The following FGFRL1 variants were observed in gnomAD, a reference collection of about 807,000 sequenced individuals.
FGFRL1 encodes fibroblast growth factor receptor-like 1.
FGFRL1 carries 24 observed loss-of-function variants against 36.8 expected under a neutral mutation model. The ratio of observed to expected loss-of-function variants is 0.65; its 90% CI spans 0.47 to 0.92. FGFRL1 has a LOEUF of 0.92. Ranked by LOEUF, FGFRL1 falls within the 40% of genes least tolerant of loss-of-function variation. The pLI is 0.00. For synonymous variants in FGFRL1, 422 were observed against 344.1 expected (o/e 1.23, Z -2.50); for missense variants, 785 against 753.4 (o/e 1.04, Z -0.49).
At chr4:1,015,139 C>T (rs1174839014) in intron 2 of FGFRL1, among the ~76,000 whole-genome samples, 5 of 152,198 alleles carry the variant, frequency 3.3e-5, no homozygotes, top group South Asian at 4.1e-4. Flanking sequence ...GACTGGACCC[C>T]GGCTGCTGCA....
chr4:1,023,808 AC>A lies in FGFRL1; in HGVS notation c.434-5del. Reference sequence around the variant, plus strand: ...CGTCCTCTGACCTCCACGCCACCCCACCCCGCAGCACGACCGCGCTTCACAC... The same window carrying A: ...CGTCCTCTGACCTCCACGCCACCCCACCCGCAGCACGACCGCGCTTCACAC... On this transcript the variant is annotated splice_polypyrimidine_tract_variant and splice_region_variant and intron_variant, in intron 4 of 6. Coordinates refer to ENST00000510644, the MANE Select transcript of FGFRL1 (RefSeq NM_001004356.3). The surrounding 1 kb of genome is among the most constrained non-coding windows in gnomAD (Gnocchi z 6.0). The A allele has an allele frequency of 1.3e-6, 2 of 1,570,616 alleles. No individual in the cohort carries two copies. Among genetic ancestry groups the A allele is most frequent in the Non-Finnish European group, 8.6e-7 (1 of 1,158,054 alleles).
At chr4:1,021,535 C>T (rs184854002) in intron 2 of FGFRL1, among the ~76,000 whole-genome samples, 3 of 152,282 alleles carry the variant, frequency 2.0e-5, no homozygotes, top group African/African-American at 4.8e-5. Flanking sequence ...ACCTGGGCAT[C>T]TGTGGTCCCT....
At chr4:1,013,622 T>G (rs1169274918) in intron 2 of FGFRL1, among the ~76,000 whole-genome samples, 1 of 152,254 alleles carries the variant, frequency 6.6e-6, no homozygotes, top group Admixed American at 6.5e-5. Flanking sequence ...ACTCAGGCCA[T>G]ACTGGGCGAG....
In FGFRL1 at chr4:1,017,283, C is replaced by T. The variant is rs1000129345; in HGVS notation, c.79+4719C>T. ...ATCCTCACTCCACTCTGGCCTCGTTCGGCTGCCAGGACGCTCTTGGTCCAG... is the reference window on the plus strand; with the variant it reads ...ATCCTCACTCCACTCTGGCCTCGTTTGGCTGCCAGGACGCTCTTGGTCCAG... On this transcript the variant is annotated intron_variant, in intron 2 of 6. Coordinates refer to ENST00000510644, the MANE Select transcript of FGFRL1 (RefSeq NM_001004356.3). Among the ~76,000 whole-genome samples, 5 of 112,050 alleles carry T rather than the reference C, an allele frequency of 4.5e-5. No individual in the cohort carries two copies. In the East Asian group the frequency reaches 9.0e-4, roughly 20 times the overall value. 73.5% of individuals were successfully genotyped at this position (112,050 alleles called of 152,430 possible).
At chr4:1,022,695 C>T (rs912722811) in intron 3 of FGFRL1, among the ~76,000 whole-genome samples, 37 of 152,202 alleles carry the variant, frequency 2.4e-4, no homozygotes, top group Non-Finnish European at 1.2e-4. Flanking sequence ...GCCTCGGAGC[C>T]TTCCTCCCAG....
rs1232378967 is a variant in FGFRL1, at chr4:1,020,621, G to T, written c.80-1582G>T. 2.1e-5 allele frequency among the ~76,000 whole-genome samples: 3 copies of T among 141,560 alleles called. No individual in the cohort carries two copies. The East Asian group carries it at 6.2e-4, about 29-fold the overall frequency. The allele number at this position is 141,560 out of a possible 152,430, so 92.9% of individuals were successfully genotyped here. Reference sequence around the variant, plus strand: ...GCACCCAGGCAGGGGATGGGGTGGGGTGGGGACTGAGGCAGGGGATGGGGT... The same window carrying T: ...GCACCCAGGCAGGGGATGGGGTGGGTTGGGGACTGAGGCAGGGGATGGGGT... On this transcript the variant is annotated intron_variant, in intron 2 of 6. Transcript: ENST00000510644.
Position 1,026,886 on chromosome 4 carries a change from T to A in FGFRL1, c.*1539T>A, listed in dbSNP as rs956709959. On this transcript the variant is annotated 3_prime_UTR_variant, in exon 7 of 7. Coordinates refer to ENST00000510644, the MANE Select transcript of FGFRL1 (RefSeq NM_001004356.3). ...TTATTTTGTTAAACATGAAAGTGCA[T>A]CCTTTCCCTCCAGGCTGGTGTTTCT... is the stretch of plus-strand genomic sequence containing the variant. The A allele has an allele frequency of 1.3e-5, 6 of 449,660 alleles. No individual in the cohort carries two copies. The highest frequency in any genetic ancestry group is 2.7e-5 in the Non-Finnish European group (6 of 224,256). 27.9% of individuals were successfully genotyped at this position (449,660 alleles called of 1,614,324 possible). A position where few individuals can be genotyped will look rare whatever the true frequency, so the allele number is the denominator to read the frequency against.
At chr4:1,018,978 G>A (rs1024347456) in intron 2 of FGFRL1, among the ~76,000 whole-genome samples, 2 of 152,166 alleles carry the variant, frequency 1.3e-5, no homozygotes, top group East Asian at 1.9e-4. Context: ...GCCTCTGCCC[G>A]TGCCTACAGC....
chr4:1,010,746 C>T (rs1715538676), upstream of FGFRL1, among the ~76,000 whole-genome samples: 1 of 152,092 alleles, frequency 6.6e-6, no homozygotes, highest in African/African-American at 2.4e-5. Flanking sequence ...GCGTGCTGGG[C>T]CCTGGGCAGG....
Position 1,024,296 on chromosome 4 carries a change from G to A in FGFRL1, c.719-15G>A. Reference sequence around the variant, plus strand: ...CGCGGCCCAGGAGCCATGCCCGCGTGCCACGTTCCCACAGAGCGGACCCGT... The same window carrying A: ...CGCGGCCCAGGAGCCATGCCCGCGTACCACGTTCCCACAGAGCGGACCCGT... On this transcript the variant is annotated splice_polypyrimidine_tract_variant and intron_variant, in intron 5 of 6. Coordinates refer to ENST00000510644, the MANE Select transcript of FGFRL1 (RefSeq NM_001004356.3). 1.1e-5 allele frequency: 17 copies of A among 1,576,098 alleles called. No homozygotes were observed. Among genetic ancestry groups the A allele is most frequent in the Admixed American group, 1.7e-5 (1 of 58,402 alleles).
In FGFRL1 at chr4:1,026,543, TGGG is replaced by T; in HGVS notation, c.*1199_*1201del. On this transcript the variant is annotated 3_prime_UTR_variant, in exon 7 of 7. Coordinates refer to ENST00000510644, the MANE Select transcript of FGFRL1 (RefSeq NM_001004356.3). ...GTCCCCTACTGCTGTGGGCTGGGGTTGGGGGCACAGCAGCCCCAAGCCTGAGAG... is the reference window on the plus strand; with the variant it reads ...GTCCCCTACTGCTGTGGGCTGGGGTTGGCACAGCAGCCCCAAGCCTGAGAG... 1 of 202,840 alleles carries T rather than the reference TGGG, an allele frequency of 4.9e-6. No individual in the cohort carries two copies. The allele number at this position is 202,840 out of a possible 1,614,324, so 12.6% of individuals were successfully genotyped here.
At position 1,025,541 on chromosome 4, in the gene FGFRL1, C is replaced by T; in HGVS notation, c.*194C>T. The stretch of plus-strand genomic sequence containing the variant: ...CACACACTGCCTGGATGCATGTATG[C>T]ACACACATGCGCGCACACGTGCTCC... On this transcript the variant is annotated 3_prime_UTR_variant, in exon 7 of 7. Transcript: ENST00000510644. 2 of 687,236 alleles carry T rather than the reference C, an allele frequency of 2.9e-6. No homozygotes were observed. The highest frequency in any genetic ancestry group is 4.8e-6 in the Non-Finnish European group (2 of 414,880). 42.6% of individuals were successfully genotyped at this position (687,236 alleles called of 1,614,324 possible). A position where few individuals can be genotyped will look rare whatever the true frequency, so the allele number is the denominator to read the frequency against.
chr4:1,019,025 A>G (rs892872348), intron 2 of FGFRL1, among the ~76,000 whole-genome samples: 1 of 152,092 alleles, frequency 6.6e-6, no homozygotes, highest in Non-Finnish European at 1.5e-5. Context: ...GCTTCCGGCC[A>G]TCCAGCGGTC....
At chr4:1,012,019 G>A (rs1468254883) in intron 1 of FGFRL1, 65 bp downstream of exon 1, 3 of 146,578 alleles carry the variant, frequency 2.0e-5, no homozygotes, top group South Asian at 2.1e-4. Flanking sequence ...GGGGTCCGGG[G>A]CGGGGGCGGG....
chr4:1,026,850 G>A lies in FGFRL1; in HGVS notation c.*1503G>A, dbSNP rs750645767. 4 of 454,732 alleles carry A rather than the reference G, an allele frequency of 8.8e-6. No individual in the cohort carries two copies. Among genetic ancestry groups the A allele is most frequent in the South Asian group, 6.2e-5 (4 of 64,128 alleles). 28.2% of individuals were successfully genotyped at this position (454,732 alleles called of 1,614,324 possible). ...TATGTAGAGTTTGAGCTGAAGCCCC[G>A]TATATTTAATTTATTTTGTTAAACA... On this transcript the variant is annotated 3_prime_UTR_variant, in exon 7 of 7. Transcript: ENST00000510644.
At chr4:1,012,365 G>T (rs976347614) in intron 1 of FGFRL1, 105 bp from the exon 2 acceptor site, 1 of 1,339,508 alleles carries the variant, frequency 7.5e-7, no homozygotes, top group Non-Finnish European at 1.0e-6. Context: ...GGCGGGGAGG[G>T]CCTGTGGGGA....
intron 2 of FGFRL1, among the ~76,000 whole-genome samples, chr4:1,014,951 G>A (rs1036563959): frequency 6.6e-6 from 1 of 152,234 alleles, no homozygotes; most frequent in Non-Finnish European, 1.5e-5. Context: ...TCCATTGTGC[G>A]GGAATCAATG....
intron 2 of FGFRL1, among the ~76,000 whole-genome samples, chr4:1,017,484 G>A (rs1715950313): frequency 6.6e-6 from 1 of 152,232 alleles, no homozygotes; most frequent in African/African-American, 2.4e-5. Flanking sequence ...CCCTGCCGCA[G>A]TGAGTGCTCC....
Position 1,024,367 on chromosome 4 carries a change from G to A in FGFRL1, c.775G>A (p.Asp259Asn). The A allele has an allele frequency of 6.2e-7, 1 of 1,612,318 alleles. No homozygotes were observed. Among genetic ancestry groups the A allele is most frequent in the Admixed American group, 1.7e-5 (1 of 60,004 alleles). The change falls in exon 6 of 7, where the codon GAC becomes AAC. Residue 259 changes from aspartate (D) to asparagine (N), a missense_variant. Transcript: ENST00000510644. ...TGTHPVNTTV[D>N]FGGTTSFQCK... ...CACGCACCCCGTGAACACGACGGTG[G>A]ACTTCGGGGGGACCACGTCCTTCCA...
Sources: gnomAD v4.1 joint callset for allele counts (sites outside exome capture counted in the v4.1 genomes callset) on GRCh38, gnomAD v4.1.1 for gene constraint, Gnocchi (gnomAD v3.1) non-coding constraint, MANE v1.5 for transcripts, NCBI Gene and HGNC (gene_info 2026-07-23, HGNC 2026-07-21) for gene names.